Variants in BBX observed in about 807,000 individuals in gnomAD.
BBX encodes HMG box transcription factor BBX.
BBX carries 30 observed loss-of-function variants against 100.2 expected under a neutral mutation model. The ratio of observed to expected loss-of-function variants is 0.30; its 90% CI spans 0.22 to 0.41. The LOEUF (loss-of-function observed/expected upper bound fraction) is 0.41, where lower values mean the gene tolerates loss of function less well. BBX is among the 10% of genes least tolerant of loss of function. The pLI, the probability that BBX is intolerant of heterozygous loss-of-function variation, is 1.00. For missense variants in BBX, 1,023 were observed against 1,129.8 expected (o/e 0.91, Z 1.35); for synonymous variants, 376 against 388.1 (o/e 0.97, Z 0.37).
intron 4 of BBX, among the ~76,000 whole-genome samples, chr3:107,716,159 T>A (rs907923253): frequency 6.6e-6 from 1 of 152,188 alleles, no homozygotes; most frequent in African/African-American, 2.4e-5. Flanking sequence ...AAGGTACTAT[T>A]CATATATTTT....
At chr3:107,564,759 C>A (rs2050757507) in intron 2 of BBX, among the ~76,000 whole-genome samples, 1 of 152,108 alleles carries the variant, frequency 6.6e-6, no homozygotes, top group South Asian at 2.1e-4. Flanking sequence ...TGACTTATAG[C>A]TTTATAATCC....
intron 3 of BBX, among the ~76,000 whole-genome samples, chr3:107,692,965 T>C (rs1401353251): frequency 1.3e-5 from 2 of 150,158 alleles, no homozygotes; most frequent in Non-Finnish European, 3.0e-5. Flanking sequence ...TGAGCATTTT[T>C]TCATGTGTTT....
At chr3:107,600,653 G>A (rs1375771023) in intron 2 of BBX, among the ~76,000 whole-genome samples, 1 of 152,130 alleles carries the variant, frequency 6.6e-6, no homozygotes, top group Non-Finnish European at 1.5e-5. Flanking sequence ...AAATTCTTGA[G>A]AGTGCGCCAT....
At chr3:107,660,584 A>G (rs1347954174) in intron 3 of BBX, among the ~76,000 whole-genome samples, 1 of 151,184 alleles carries the variant, frequency 6.6e-6, no homozygotes, top group Non-Finnish European at 1.5e-5. Context: ...ACTGTACTTT[A>G]GACCTTATTT....
At position 107,810,360 on chromosome 3, in the gene BBX, T is replaced by C. The variant is rs1251909257; in HGVS notation, c.*4903T>C. The stretch of plus-strand genomic sequence containing the variant: ...CAGTCAGTGGTCAAAACTGATCATG[T>C]GCTTAAATCGATTTTTATGCACAGA... On this transcript the variant is annotated 3_prime_UTR_variant, in exon 18 of 18. Transcript: ENST00000325805. 6.6e-6 allele frequency: 1 copy of C among 152,190 alleles called. No homozygotes were observed. The highest frequency in any genetic ancestry group is 1.5e-5 in the Non-Finnish European group (1 of 68,020). The allele number at this position is 152,190 out of a possible 1,614,324, so 9.4% of individuals were successfully genotyped here.
chr3:107,740,966 C>T (rs2064047764), intron 7 of BBX, among the ~76,000 whole-genome samples: 1 of 148,574 alleles, frequency 6.7e-6, no homozygotes, highest in African/African-American at 2.5e-5. Context: ...TTCCCTAACA[C>T]ATACTAGATA....
At chr3:107,647,038 G>A (rs1053077715) in intron 3 of BBX, among the ~76,000 whole-genome samples, 1 of 152,084 alleles carries the variant, frequency 6.6e-6, no homozygotes, top group Non-Finnish European at 1.5e-5. Flanking sequence ...GAGAAGATTG[G>A]AATTTAATTA....
chr3:107,547,244 A>G (rs2049307146), intron 2 of BBX, among the ~76,000 whole-genome samples: 1 of 152,190 alleles, frequency 6.6e-6, no homozygotes, highest in African/African-American at 2.4e-5. Context: ...CAGAACTGAA[A>G]GAAAAATTTG....
At chr3:107,625,258 T>C (rs2056081154) in intron 2 of BBX, among the ~76,000 whole-genome samples, 1 of 152,152 alleles carries the variant, frequency 6.6e-6, no homozygotes, top group Non-Finnish European at 1.5e-5. Flanking sequence ...ACTAATTTTC[T>C]CCTCAGCTGT....
chr3:107,798,449 CAT>C (rs2069996408), intron 15 of BBX, 72 bp from the exon 16 acceptor site: 4 of 1,379,672 alleles, frequency 2.9e-6, no homozygotes, highest in South Asian at 1.2e-5. Flanking sequence ...GAAATTTAGA[CAT>C]GTTTCCTTCT....
chr3:107,591,087 T>C (rs2053270239), intron 2 of BBX, among the ~76,000 whole-genome samples: 1 of 152,270 alleles, frequency 6.6e-6, no homozygotes, highest in East Asian at 1.9e-4. Flanking sequence ...GTTAATGCCA[T>C]TCTGGATAGA....
At chr3:107,526,205 GT>G in intron 1 of BBX, 121 bp from the exon 2 acceptor site, 1 of 397,216 alleles carries the variant, frequency 2.5e-6, no homozygotes, top group Non-Finnish European at 4.4e-6. Context: ...AAGGGGAGGG[GT>G]TAGTGGGAGC....
chr3:107,693,700 A>G (rs1198607140), intron 3 of BBX, among the ~76,000 whole-genome samples: 2 of 151,744 alleles, frequency 1.3e-5, no homozygotes, highest in African/African-American at 2.4e-5. Context: ...TTGGTTCCAT[A>G]TGAACTTTAA....
Position 107,733,009 on chromosome 3 carries a change from C to G in BBX, c.655C>G (p.Leu219Val). ...SMLLLAGEHA[L>V]GTPEVSSGTC... ...GCTGCTGTTAGCTGGAGAACATGCT[C>G]TTGGCACACCAGAGGTAAGCCAGTC... Residue 219 changes from leucine (L) to valine (V), a missense_variant, in exon 7 of 18, where the codon CTT (leucine) becomes GTT (valine). Transcript: ENST00000325805. 1.2e-6 allele frequency: 2 copies of G among 1,613,046 alleles called. No individual in the cohort carries two copies. Among genetic ancestry groups the G allele is most frequent in the Non-Finnish European group, 1.7e-6 (2 of 1,179,500 alleles).
chr3:107,807,081 C>T lies in BBX; in HGVS notation c.*1624C>T, dbSNP rs556440854. On this transcript the variant is annotated 3_prime_UTR_variant, in exon 18 of 18. Coordinates refer to ENST00000325805, the MANE Select transcript of BBX (RefSeq NM_001142568.3). ...GACGTAATAGCCATACAAAAAATGA[C>T]TCTATTCATACTAGGTTTAGCTTCT... 1 of 151,930 alleles carries T rather than the reference C, an allele frequency of 6.6e-6. No homozygotes were observed. Among genetic ancestry groups the T allele is most frequent in the Non-Finnish European group, 1.5e-5 (1 of 67,964 alleles). The allele number at this position is 151,930 out of a possible 1,614,324, so 9.4% of individuals were successfully genotyped here.
intron 9 of BBX, among the ~76,000 whole-genome samples, chr3:107,751,451 G>A (rs753072841): frequency 4.6e-5 from 7 of 152,052 alleles, no homozygotes; most frequent in East Asian, 1.9e-4. Flanking sequence ...GTCATTTATC[G>A]TGTAAAATAT....
chr3:107,689,700 G>C (rs2060042342), intron 3 of BBX, among the ~76,000 whole-genome samples: 1 of 152,218 alleles, frequency 6.6e-6, no homozygotes, highest in African/African-American at 2.4e-5. Flanking sequence ...ACGAATGGAA[G>C]TTTGGGATTC....
chr3:107,698,203 G>A (rs182163863), intron 3 of BBX, among the ~76,000 whole-genome samples: 4 of 151,766 alleles, frequency 2.6e-5, no homozygotes, highest in East Asian at 3.9e-4. Context: ...GTTCCTATTC[G>A]GCCATCTTGG....
At chr3:107,649,547 A>G (rs1049764250) in intron 3 of BBX, among the ~76,000 whole-genome samples, 1 of 152,192 alleles carries the variant, frequency 6.6e-6, no homozygotes, top group African/African-American at 2.4e-5. Context: ...AGCACTCAAG[A>G]AGTAGTAGTT....
Sources: gnomAD v4.1 joint callset for allele counts (sites outside exome capture counted in the v4.1 genomes callset) on GRCh38, gnomAD v4.1.1 for gene constraint, MANE v1.5 for transcripts, NCBI Gene and HGNC (gene_info 2026-07-23, HGNC 2026-07-21) for gene names.